Variants in GALNT13 observed in about 807,000 individuals in gnomAD.
GALNT13 encodes the protein UDP-GalNAc:polypeptide N-acetylgalactosaminyltransferase 13.
GALNT13 carries 28 observed loss-of-function variants against 64.2 expected under a neutral mutation model. The observed-to-expected ratio is 0.44, with a 90% CI of 0.32 to 0.60. The LOEUF is 0.60. Ranked by LOEUF, GALNT13 falls within the 20% of genes least tolerant of loss-of-function variation. The pLI is 0.05. For synonymous variants in GALNT13, 214 were observed against 224.6 expected (o/e 0.95, Z 0.42); for missense variants, 577 against 669.8 (o/e 0.86, Z 1.53).
chr2:153,298,958 A>G, the GALNT13 span, among the ~76,000 whole-genome samples: 4 of 152,224 alleles, frequency 2.6e-5, no homozygotes, highest in Admixed American at 1.3e-4. Context: ...TTACAATTCA[A>G]TGATTTTCTA....
chr2:154,033,949 G>GCAAA (rs890140516), intron 3 of GALNT13, among the ~76,000 whole-genome samples: 5 of 151,896 alleles, frequency 3.3e-5, no homozygotes, highest in African/African-American at 9.7e-5. Flanking sequence ...AAAAAAACAA[G>GCAAA]CAAACAAACA....
At chr2:153,077,571 C>T in the GALNT13 span, among the ~76,000 whole-genome samples, 1 of 152,148 alleles carries the variant, frequency 6.6e-6, no homozygotes, top group African/African-American at 2.4e-5. Context: ...ATGTTGTTTG[C>T]TGCTTACGAC....
the GALNT13 span, among the ~76,000 whole-genome samples, chr2:153,081,232 T>A: frequency 3.9e-5 from 6 of 152,258 alleles, no homozygotes; most frequent in Admixed American, 3.9e-4. Context: ...TTTTTAATTT[T>A]TTTTGGTACA....
chr2:153,616,018 T>G, the GALNT13 span, among the ~76,000 whole-genome samples: 1 of 152,116 alleles, frequency 6.6e-6, no homozygotes, highest in African/African-American at 2.4e-5. Flanking sequence ...CAGACCACTA[T>G]CCTGGAGATA....
the GALNT13 span, among the ~76,000 whole-genome samples, chr2:153,383,714 G>C: frequency 2.6e-5 from 4 of 151,902 alleles, no homozygotes; most frequent in Non-Finnish European, 5.9e-5. Flanking sequence ...TTGATTGATT[G>C]TTCAGTAGAT....
the GALNT13 span, among the ~76,000 whole-genome samples, chr2:153,351,805 AG>A: frequency 6.6e-6 from 1 of 152,240 alleles, no homozygotes; most frequent in East Asian, 1.9e-4. Flanking sequence ...ATTCCTTTTT[AG>A]TGCTGAATAA....
the GALNT13 span, among the ~76,000 whole-genome samples, chr2:153,688,726 T>C: frequency 4.6e-5 from 7 of 152,072 alleles, no homozygotes; most frequent in African/African-American, 7.2e-5. Context: ...ATCTGGCTTC[T>C]TCATTAAACT....
the GALNT13 span, among the ~76,000 whole-genome samples, chr2:153,506,432 G>A: frequency 1.3e-5 from 2 of 151,886 alleles, no homozygotes; most frequent in Admixed American, 6.6e-5. Context: ...TGTTTTATAC[G>A]TCCTGTGAGA....
At chr2:153,421,308 C>A in the GALNT13 span, 1 of 200,864 alleles carries the variant, frequency 5.0e-6, no homozygotes, top group Admixed American at 5.1e-5. Context: ...GCTAAGAAAG[C>A]AGTTAAAGAT....
the GALNT13 span, among the ~76,000 whole-genome samples, chr2:153,250,780 G>A: frequency 1.1e-4 from 17 of 151,960 alleles, no homozygotes; most frequent in Non-Finnish European, 2.1e-4. Flanking sequence ...TATCACAAGA[G>A]CAGAAAACCA....
the GALNT13 span, among the ~76,000 whole-genome samples, chr2:153,192,871 G>A: frequency 6.6e-6 from 1 of 151,846 alleles, no homozygotes. Flanking sequence ...TCTGTGTATA[G>A]TCTATATGTC....
the GALNT13 span, chr2:153,478,671 G>T: frequency 1.1e-6 from 1 of 914,702 alleles, no homozygotes; most frequent in Non-Finnish European, 1.6e-6. Context: ...AGACTAGCGC[G>T]TGCGAGGGCT....
In GALNT13 at chr2:154,259,010, T is replaced by G. The variant is rs760119512; in HGVS notation, c.858-11T>G. On this transcript the variant is annotated splice_polypyrimidine_tract_variant and intron_variant, in intron 7 of 12. Coordinates refer to ENST00000392825, the MANE Select transcript of GALNT13 (RefSeq NM_052917.4). ...AAAGATATTCTTTTCTTTTTGTTTTTTTTCAACTAGGACCCCTACTATGGC... is the reference window on the plus strand; with the variant it reads ...AAAGATATTCTTTTCTTTTTGTTTTGTTTCAACTAGGACCCCTACTATGGC... 11 of 1,416,294 alleles carry G rather than the reference T, an allele frequency of 7.8e-6. No individual in the cohort carries two copies. The South Asian group carries it at 1.3e-4, about 16-fold the overall frequency. 87.7% of individuals were successfully genotyped at this position (1,416,294 alleles called of 1,614,324 possible).
At chr2:154,332,600 C>T (rs761682035) in intron 9 of GALNT13, among the ~76,000 whole-genome samples, 15 of 152,008 alleles carry the variant, frequency 9.9e-5, no homozygotes, top group Non-Finnish European at 1.8e-4. Flanking sequence ...TATAAGACAC[C>T]TACCTCTTCT....
intron 3 of GALNT13, among the ~76,000 whole-genome samples, chr2:154,047,274 G>A (rs889570881): frequency 2.2e-4 from 33 of 152,132 alleles, no homozygotes; most frequent in Non-Finnish European, 3.7e-4. Flanking sequence ...GACATCTGCC[G>A]TGTGCTTGTT....
intron 8 of GALNT13, among the ~76,000 whole-genome samples, chr2:154,277,382 A>G (rs192057094): frequency 9.8e-5 from 15 of 152,318 alleles, no homozygotes; most frequent in African/African-American, 3.4e-4. Context: ...TTTTTATTAA[A>G]GAGCCAACTT....
chr2:153,487,070 A>G, the GALNT13 span, among the ~76,000 whole-genome samples: 1 of 152,220 alleles, frequency 6.6e-6, no homozygotes. Context: ...TTTTACTCCA[A>G]TATTGATTTT....
chr2:153,969,757 T>C (rs1451465947), intron 3 of GALNT13, among the ~76,000 whole-genome samples: 1 of 152,172 alleles, frequency 6.6e-6, no homozygotes, highest in African/African-American at 2.4e-5. Flanking sequence ...CATTCATAAC[T>C]ATCATTATTT....
At chr2:153,868,509 A>G (rs369484922), upstream of GALNT13, among the ~76,000 whole-genome samples, 3 of 152,168 alleles carry the variant, frequency 2.0e-5, no homozygotes, top group Non-Finnish European at 2.9e-5. Context: ...CTACTCATCC[A>G]ATCTTAATCT....
Sources: allele counts gnomAD v4.1 joint callset (sites outside exome capture counted in the v4.1 genomes callset), GRCh38; gene constraint gnomAD v4.1.1; transcripts MANE v1.5; gene names NCBI Gene and HGNC (gene_info 2026-07-23, HGNC 2026-07-21).